The following OPCML variants were observed in gnomAD, a reference collection of about 807,000 sequenced individuals.
The protein encoded by OPCML is opioid-binding protein/cell adhesion molecule.
OPCML carries 13 observed loss-of-function variants against 37.8 expected under a neutral mutation model. That is an observed-to-expected ratio of 0.34 (90% CI 0.22 to 0.55). OPCML has a LOEUF of 0.55. Ranked by LOEUF, OPCML falls within the 20% of genes least tolerant of loss-of-function variation. The pLI, the probability that OPCML is intolerant of heterozygous loss-of-function variation, is 0.91. For synonymous variants in OPCML, 176 were observed against 168.8 expected (o/e 1.04, Z -0.33); for missense variants, 341 against 435.6 (o/e 0.78, Z 1.93).
intron 1 of OPCML, among the ~76,000 whole-genome samples, chr11:133,528,796 G>A (rs1948543267): frequency 6.6e-6 from 1 of 152,162 alleles, no homozygotes; most frequent in Non-Finnish European, 1.5e-5. Flanking sequence ...ATCCAGGTTG[G>A]GTAAATGGGG....
At chr11:133,296,127 G>A (rs189190172) in intron 1 of OPCML, among the ~76,000 whole-genome samples, 4 of 152,294 alleles carry the variant, frequency 2.6e-5, no homozygotes, top group South Asian at 2.1e-4. Context: ...AACTGTGTCC[G>A]TAAATGATAC....
chr11:133,486,126 A>G (rs1316826216), intron 1 of OPCML, among the ~76,000 whole-genome samples: 1 of 152,216 alleles, frequency 6.6e-6, no homozygotes, highest in African/African-American at 2.4e-5. Context: ...AAAAACACAC[A>G]TAACCCAATA....
chr11:132,985,607 G>A (rs1467949715), intron 1 of OPCML, among the ~76,000 whole-genome samples: 1 of 152,060 alleles, frequency 6.6e-6, no homozygotes, highest in Non-Finnish European at 1.5e-5. Flanking sequence ...AAAATAAACT[G>A]GTGAAGGACC....
rs1217131485 is a variant in OPCML, at chr11:133,174,444, C to T, written c.62-231434G>A. 6.6e-6 allele frequency among the ~76,000 whole-genome samples: 1 copy of T among 152,130 alleles called. No homozygotes were observed. The highest frequency in any genetic ancestry group is 1.5e-5 in the Non-Finnish European group (1 of 68,028). ...GATATAGGAGAAGGAATGGTTTTCT[C>T]AGACGAGTTAGAATAACATACCAAC... On this transcript the variant is annotated intron_variant, in intron 1 of 7. Transcript: ENST00000524381. The surrounding 1 kb of genome is among the most constrained non-coding windows in gnomAD (Gnocchi z 4.6).
intron 2 of OPCML, among the ~76,000 whole-genome samples, chr11:132,816,272 G>T (rs1404955899): frequency 6.6e-6 from 1 of 152,128 alleles, no homozygotes; most frequent in Non-Finnish European, 1.5e-5. Flanking sequence ...AACTGTTTTT[G>T]TAAAGGGCCA....
At chr11:132,501,022 C>T (rs928191281) in intron 4 of OPCML, among the ~76,000 whole-genome samples, 4 of 152,166 alleles carry the variant, frequency 2.6e-5, no homozygotes, top group African/African-American at 9.7e-5. Context: ...CATGCATGTG[C>T]ATGTGTCTTT....
chr11:132,618,706 A>G (rs1055995912), intron 3 of OPCML, among the ~76,000 whole-genome samples: 1 of 152,282 alleles, frequency 6.6e-6, no homozygotes, highest in East Asian at 1.9e-4. Flanking sequence ...TATTTTAACC[A>G]TTTTAAAGTG....
chr11:132,575,470 A>G (rs2096448241), intron 3 of OPCML, among the ~76,000 whole-genome samples: 1 of 152,016 alleles, frequency 6.6e-6, no homozygotes, highest in Non-Finnish European at 1.5e-5. Context: ...TAGACATAAG[A>G]GTCTAATTTA....
intron 3 of OPCML, among the ~76,000 whole-genome samples, chr11:132,644,989 T>C (rs1941071264): frequency 6.6e-6 from 1 of 152,238 alleles, no homozygotes; most frequent in African/African-American, 2.4e-5. Flanking sequence ...AACTGGTCAT[T>C]AATGTCTGCT....
At chr11:133,280,578 C>T (rs1050660486) in intron 1 of OPCML, among the ~76,000 whole-genome samples, 2 of 152,232 alleles carry the variant, frequency 1.3e-5, no homozygotes, top group African/African-American at 4.8e-5. Context: ...AACATTGGCT[C>T]TGTTGACTGT....
At chr11:133,490,386 A>G (rs1473863194) in intron 1 of OPCML, among the ~76,000 whole-genome samples, 1 of 152,156 alleles carries the variant, frequency 6.6e-6, no homozygotes, top group Non-Finnish European at 1.5e-5. Flanking sequence ...AACATTGTAT[A>G]TTCCTAATTT....
At chr11:133,144,596 A>G (rs1949872302) in intron 1 of OPCML, among the ~76,000 whole-genome samples, 1 of 152,232 alleles carries the variant, frequency 6.6e-6, no homozygotes, top group Non-Finnish European at 1.5e-5. Flanking sequence ...GCCAGCACAC[A>G]GTCAAAGCTT....
intron 3 of OPCML, among the ~76,000 whole-genome samples, chr11:132,542,160 G>A (rs539533549): frequency 6.6e-6 from 1 of 152,262 alleles, no homozygotes; most frequent in East Asian, 1.9e-4. Flanking sequence ...GGTCCCTGAT[G>A]CCTCCAGTCT....
chr11:132,550,473 C>T (rs972552150), intron 3 of OPCML, among the ~76,000 whole-genome samples: 7 of 152,166 alleles, frequency 4.6e-5, no homozygotes, highest in Non-Finnish European at 8.8e-5. Context: ...CGGGCTTTGC[C>T]TTCCCCCATG....
chr11:132,641,924 G>A (rs1940873457), intron 3 of OPCML, among the ~76,000 whole-genome samples: 1 of 152,188 alleles, frequency 6.6e-6, no homozygotes, highest in Non-Finnish European at 1.5e-5. Flanking sequence ...CATCGGCAGG[G>A]TGTTTGAAAG....
At chr11:133,260,866 T>C (rs1369966845) in intron 1 of OPCML, among the ~76,000 whole-genome samples, 1 of 130,358 alleles carries the variant, frequency 7.7e-6, no homozygotes, top group Non-Finnish European at 1.6e-5. Context: ...GATGCCTTAG[T>C]ACATAGATTT....
chr11:132,692,651 A>G (rs567201201), intron 2 of OPCML, among the ~76,000 whole-genome samples: 97 of 152,332 alleles, frequency 6.4e-4, no homozygotes, highest in Non-Finnish European at 1.2e-3. Context: ...TTCCGGAGGC[A>G]GGAACTAGTA....
chr11:132,650,591 CAT>C (rs1467733744), intron 3 of OPCML, among the ~76,000 whole-genome samples: 17 of 152,134 alleles, frequency 1.1e-4, no homozygotes, highest in Admixed American at 3.9e-4. Context: ...CACACACACA[CAT>C]ACACACACAA....
At chr11:133,140,026 A>C (rs1949744087) in intron 1 of OPCML, among the ~76,000 whole-genome samples, 1 of 150,850 alleles carries the variant, frequency 6.6e-6, no homozygotes, top group African/African-American at 2.4e-5. Context: ...ATCTCAACTA[A>C]AAATACAAAA....
Sources: allele counts gnomAD v4.1 joint callset (sites outside exome capture counted in the v4.1 genomes callset), GRCh38; gene constraint gnomAD v4.1.1; non-coding constraint Gnocchi (gnomAD v3.1); transcripts MANE v1.5; gene names NCBI Gene and HGNC (gene_info 2026-07-23, HGNC 2026-07-21).